Variants in MARK3 observed in about 807,000 individuals in gnomAD.
The protein encoded by MARK3 is MAP/microtubule affinity-regulating kinase 3.
Under a neutral mutation model 90.1 loss-of-function variants are expected in MARK3, and 46 were observed. That is an observed-to-expected ratio of 0.51 (90% CI 0.40 to 0.65). The LOEUF (loss-of-function observed/expected upper bound fraction) is 0.65. Among genes scored for constraint, MARK3 ranks in the 30% least tolerant of loss-of-function variants. MARK3 has a pLI of 0.00. For missense variants in MARK3, 818 were observed against 947.2 expected (o/e 0.86, Z 1.79); for synonymous variants, 321 against 332.6 (o/e 0.97, Z 0.38).
At chr14:103,407,924 C>T (rs1032803566) in intron 2 of MARK3, among the ~76,000 whole-genome samples, 1 of 152,234 alleles carries the variant, frequency 6.6e-6, no homozygotes, top group African/African-American at 2.4e-5. Context: ...ATACTCTTTA[C>T]TCTTCTGTTT....
At chr14:103,455,917 T>A (rs2093267886) in intron 5 of MARK3, among the ~76,000 whole-genome samples, 1 of 152,182 alleles carries the variant, frequency 6.6e-6, no homozygotes, top group South Asian at 2.1e-4. Flanking sequence ...CTGATGGAGG[T>A]ATTCCTTATT....
At chr14:103,415,023 G>C (rs1405088874) in intron 2 of MARK3, among the ~76,000 whole-genome samples, 1 of 151,658 alleles carries the variant, frequency 6.6e-6, no homozygotes, top group Non-Finnish European at 1.5e-5. Context: ...ATGGTGGTGT[G>C]CGCCTGTAGT....
intron 1 of MARK3, among the ~76,000 whole-genome samples, chr14:103,400,737 A>C (rs1043817847): frequency 6.6e-6 from 1 of 151,910 alleles, no homozygotes. Flanking sequence ...CTCTACAAAA[A>C]ATTAAAACAT....
intron 5 of MARK3, among the ~76,000 whole-genome samples, chr14:103,453,998 C>T (rs2093216504): frequency 6.6e-6 from 1 of 152,164 alleles, no homozygotes; most frequent in African/African-American, 2.4e-5. Context: ...ACAGAGATTA[C>T]TCATATAGGG....
chr14:103,467,220 C>A, intron 11 of MARK3, 29 bp downstream of exon 11: 1 of 987,094 alleles, frequency 1.0e-6, no homozygotes, highest in East Asian at 2.5e-5. Flanking sequence ...AGCTGAAATA[C>A]CCTGTATGTA....
intron 1 of MARK3, among the ~76,000 whole-genome samples, chr14:103,402,518 C>T (rs1353437269): frequency 6.6e-6 from 1 of 150,596 alleles, no homozygotes; most frequent in African/African-American, 2.4e-5. Flanking sequence ...CGCCACTGCA[C>T]TCCAGCTGAC....
rs1461139428 is a variant in MARK3 at position 103,471,579 on chromosome 14, C to T, written c.1264+3393C>T. Among the ~76,000 whole-genome samples, 9 of 152,278 alleles carry T rather than the reference C, an allele frequency of 5.9e-5. No homozygotes were observed. In the South Asian group the frequency reaches 1.9e-3, roughly 32 times the overall value. On this transcript the variant is annotated intron_variant, in intron 12 of 17. Transcript: ENST00000429436. ...TGTATAGCCGGGCTAACTTTCACCT[C>T]ATCCTCCTGCCTCGTCTCACCTCTC... is the stretch of plus-strand genomic sequence containing the variant.
In MARK3 at chr14:103,491,811, A is replaced by G. The variant is rs1196395090; in HGVS notation, c.1621A>G (p.Thr541Ala). 1.9e-6 allele frequency: 3 copies of G among 1,614,144 alleles called. No homozygotes were observed. Among genetic ancestry groups the G allele is most frequent in the Non-Finnish European group, 2.5e-6 (3 of 1,180,026 alleles). Reference sequence around the variant, plus strand: ...TGATCAGAGAACTCCAGTTGCTTCAACACACAGTATCAGTAGTGCAGCCAC... The same window carrying G: ...TGATCAGAGAACTCCAGTTGCTTCAGCACACAGTATCAGTAGTGCAGCCAC... ...IPDQRTPVASTHSISSAATPD... is the reference protein window; with the variant it reads ...IPDQRTPVASAHSISSAATPD... The change falls in exon 15 of 18, where the codon ACA (threonine) becomes GCA (alanine). Residue 541 changes from threonine (T) to alanine (A), a missense_variant. This residue lies in a region of MARK3 where 560 missense variants were observed against 613.5 expected (regional missense o/e 0.91). Transcript: ENST00000429436.
chr14:103,474,845 A>G (rs955573340), intron 12 of MARK3, 148 bp from the exon 13 acceptor site: 12 of 620,080 alleles, frequency 1.9e-5, no homozygotes, highest in African/African-American at 5.6e-5. Context: ...AACATTAGAT[A>G]TAAGTGGGAA....
chr14:103,464,022 A>G (rs906660199), intron 7 of MARK3, among the ~76,000 whole-genome samples: 4 of 152,146 alleles, frequency 2.6e-5, no homozygotes, highest in Non-Finnish European at 4.4e-5. Context: ...TTATGATCAG[A>G]TGCACCTTCT....
chr14:103,406,639 G>T, intron 2 of MARK3, among the ~76,000 whole-genome samples: 1 of 148,088 alleles, frequency 6.8e-6, no homozygotes. Flanking sequence ...GTCTCACTCT[G>T]TCACCCAGGC....
rs772967244 is a variant in MARK3 at position 103,502,985 on chromosome 14, G to T, written c.2020G>T (p.Asp674Tyr). ...MKTTSSMDPG[D>Y]MMREIRKVLD... ...AACCACTAGTTCAATGGATCCCGGG[G>T]ACATGATGCGGGAAATCCGCAAAGT... Residue 674 changes from aspartate to tyrosine, a missense_variant, in exon 18 of 18, where the codon GAC becomes TAC. By Grantham distance (160) the Asp-to-Tyr change is radical. Around this residue, in one of 3 missense-constraint regions of MARK3, gnomAD observed 560 missense variants for 613.5 expected, o/e 0.91. Coordinates refer to ENST00000429436, the MANE Select transcript of MARK3 (RefSeq NM_001128918.3). The T allele has an allele frequency of 6.2e-7, 1 of 1,614,262 alleles. No homozygotes were observed. Among genetic ancestry groups the T allele is most frequent in the Non-Finnish European group, 8.5e-7 (1 of 1,180,054 alleles).
chr14:103,501,664 C>G (rs540614148), intron 17 of MARK3, among the ~76,000 whole-genome samples: 1 of 152,024 alleles, frequency 6.6e-6, no homozygotes, highest in African/African-American at 2.4e-5. Flanking sequence ...CTGCCTGTCA[C>G]GTTCTCCTGC....
intron 6 of MARK3, among the ~76,000 whole-genome samples, chr14:103,457,804 C>T (rs1409183603): frequency 6.6e-6 from 1 of 152,188 alleles, no homozygotes; most frequent in East Asian, 1.9e-4. Flanking sequence ...TTACAGCTGC[C>T]TTGTGAGTTA....
intron 5 of MARK3, among the ~76,000 whole-genome samples, chr14:103,456,175 C>T (rs539539169): frequency 8.1e-4 from 124 of 152,314 alleles, no homozygotes; most frequent in African/African-American, 3.0e-3. Flanking sequence ...TCCTACTTCT[C>T]ACCACCACTG....
chr14:103,457,228 T>C lies in MARK3; in HGVS notation c.483+16T>C. 1 of 1,547,370 alleles carries C rather than the reference T, an allele frequency of 6.5e-7. No individual in the cohort carries two copies. Among genetic ancestry groups the C allele is most frequent in the Non-Finnish European group, 8.9e-7 (1 of 1,120,908 alleles). On this transcript the variant is annotated intron_variant, in intron 6 of 17. Coordinates refer to ENST00000429436, the MANE Select transcript of MARK3 (RefSeq NM_001128918.3). The stretch of plus-strand genomic sequence containing the variant: ...ATTTAGACAGGTATGAATTAATGTG[T>C]CTTTACTATGTCAATTTGATAATTT...
At chr14:103,407,171 G>A (rs1253204275) in intron 2 of MARK3, among the ~76,000 whole-genome samples, 1 of 152,188 alleles carries the variant, frequency 6.6e-6, no homozygotes, top group Non-Finnish European at 1.5e-5. Context: ...TTAAACGTTG[G>A]AAATATCATA....
chr14:103,442,961 C>A (rs2092899765), intron 3 of MARK3, among the ~76,000 whole-genome samples: 5 of 145,016 alleles, frequency 3.4e-5, no homozygotes, highest in Non-Finnish European at 6.0e-5. Context: ...CTCCCACCGA[C>A]AAGGAAGTGA....
intron 2 of MARK3, among the ~76,000 whole-genome samples, chr14:103,427,536 A>G (rs2092451005): frequency 6.7e-6 from 1 of 149,194 alleles, no homozygotes; most frequent in Non-Finnish European, 1.5e-5. Flanking sequence ...TGGCTGCTCC[A>G]TAGACAGAGC....
Sources: gnomAD v4.1 joint callset for allele counts (sites outside exome capture counted in the v4.1 genomes callset) on GRCh38, gnomAD v4.1.1 for gene constraint, gnomAD v4.1.1 regional missense constraint, MANE v1.5 for transcripts, NCBI Gene and HGNC (gene_info 2026-07-23, HGNC 2026-07-21) for gene names.